The following HMCN2 variants were observed in gnomAD, a reference collection of about 807,000 sequenced individuals.
HMCN2 encodes the protein hemicentin-2.
Under a neutral mutation model 377.5 loss-of-function variants are expected in HMCN2, and 325 were observed. The ratio of observed to expected loss-of-function variants is 0.86; its 90% CI spans 0.79 to 0.94. The LOEUF is 0.94. HMCN2 is among the 40% of genes least tolerant of loss of function. HMCN2 has a pLI of 0.00. For synonymous variants in HMCN2, 2,007 were observed against 2,046.8 expected (o/e 0.98, Z 0.53); for missense variants, 4,543 against 4,725.3 (o/e 0.96, Z 1.13).
Position 130,425,757 on chromosome 9 carries a change from A to T in HMCN2, c.13712A>T (p.Gln4571Leu). 6.5e-7 allele frequency: 1 copy of T among 1,547,626 alleles called. No individual in the cohort carries two copies. Among genetic ancestry groups the T allele is most frequent in the East Asian group, 2.5e-5 (1 of 40,768 alleles). Reference sequence around the variant, plus strand: ...GTGGGCTCCACACAGCGCTTCTTCCAGGGCGGCCTCCCCTCGTTCCTACGC... The same window carrying T: ...GTGGGCTCCACACAGCGCTTCTTCCTGGGCGGCCTCCCCTCGTTCCTACGC... ...LFVGSTQRFF[Q>L]GGLPSFLRCN... The change falls in exon 90 of 98, where the codon CAG becomes CTG. Residue 4571 changes from glutamine to leucine, a missense_variant. This residue lies in a region of HMCN2 where 1,155 missense variants were observed against 1,157.7 expected (regional missense o/e 1.00). Coordinates refer to ENST00000683500, the MANE Select transcript of HMCN2 (RefSeq NM_001291815.2).
rs71387339 is a variant in HMCN2, at chr9:130,293,279, G to GTTTTTTTTTTTTTTTTTTTTTT, written c.613-1555_613-1554insTTTTTTTTTTTTTTTTTTTTTT. Among the ~76,000 whole-genome samples, 120 of 57,118 alleles carry GTTTTTTTTTTTTTTTTTTTTTT rather than the reference G, an allele frequency of 2.1e-3. 18 individuals are homozygous for GTTTTTTTTTTTTTTTTTTTTTT. Among genetic ancestry groups the GTTTTTTTTTTTTTTTTTTTTTT allele is most frequent in the African/African-American group, 5.9e-3 (52 of 8,886 alleles). The allele number at this position is 57,118 out of a possible 152,430, so 37.5% of individuals were successfully genotyped here. On this transcript the variant is annotated intron_variant, in intron 4 of 97. Transcript: ENST00000683500. ...TTCCAAATAAAATCTACTCACTAAAGTTTTTTTTTTTTTTTTTTTTTGCGG... is the reference window on the plus strand; with the variant it reads ...TTCCAAATAAAATCTACTCACTAAAGTTTTTTTTTTTTTTTTTTTTTTTTTTTTTTTTTTTTTTTTTTTGCGG...
At position 130,426,177 on chromosome 9, in the gene HMCN2, C is replaced by G. The variant is rs537681415; in HGVS notation, c.13879+253C>G. Among the ~76,000 whole-genome samples the G allele has an allele frequency of 2.0e-5, 3 of 152,226 alleles. No homozygotes were observed. The South Asian group carries it at 6.2e-4, about 32-fold the overall frequency. On this transcript the variant is annotated intron_variant, in intron 90 of 97. Coordinates refer to ENST00000683500, the MANE Select transcript of HMCN2 (RefSeq NM_001291815.2). ...CAACCTCTGGATCCTTTCCCCAGGC[C>G]CCAGGGTGAAGGTCCAACCACCCCA...
At chr9:130,278,604 C>T (rs1354358539) in intron 1 of HMCN2, among the ~76,000 whole-genome samples, 5 of 151,318 alleles carry the variant, frequency 3.3e-5, no homozygotes, top group South Asian at 2.1e-4. Context: ...TTTTTTGAGA[C>T]GGAGTTTTGC....
At chr9:130,433,006 T>C (rs1344745814) in intron 97 of HMCN2, 2 of 385,104 alleles carry the variant, frequency 5.2e-6, no homozygotes, top group Non-Finnish European at 9.3e-6. Context: ...AGTCTCCACC[T>C]CCAACCCCGC....
chr9:130,347,986 C>A lies in HMCN2; in HGVS notation c.4025-559C>A, dbSNP rs1839476648. 1.0e-6 allele frequency: 1 copy of A among 985,288 alleles called. No individual in the cohort carries two copies. Among genetic ancestry groups the A allele is most frequent in the African/African-American group, 1.7e-5 (1 of 57,228 alleles). The allele number at this position is 985,288 out of a possible 1,614,324, so 61.0% of individuals were successfully genotyped here. On this transcript the variant is annotated intron_variant, in intron 26 of 97. Coordinates refer to ENST00000683500, the MANE Select transcript of HMCN2 (RefSeq NM_001291815.2). This position sits in a 1 kb window ranked among gnomAD's most constrained non-coding sequence, Gnocchi z 5.1. ...TCCTCAGCAGGGAGAGCGCCCACCCCCACATCCAGGGTGCTATGTGCAGAG... is the reference window on the plus strand; with the variant it reads ...TCCTCAGCAGGGAGAGCGCCCACCCACACATCCAGGGTGCTATGTGCAGAG...
In HMCN2 at chr9:130,351,439, G is replaced by C; in HGVS notation, c.4447G>C (p.Gly1483Arg). ...TCTCTCCAGGCCTGTCCTTCCGGGA[G>C]GCCCTCACCTGCAGGTCCAGGAGGA... Reference protein sequence around the residue: ...TKDRQPVLPGGPHLQVQEDGQ... With the variant: ...TKDRQPVLPGRPHLQVQEDGQ... The change falls in exon 30 of 98, where the codon GGC (glycine) becomes CGC (arginine). Residue 1483 changes from glycine to arginine, a missense_variant. By Grantham distance (125) the Gly-to-Arg change is moderately radical (BLOSUM62 -2). Around this residue, in one of 5 missense-constraint regions of HMCN2, gnomAD observed 1,032 missense variants for 1,285.1 expected, o/e 0.80. Coordinates refer to ENST00000683500, the MANE Select transcript of HMCN2 (RefSeq NM_001291815.2). This position sits in a 1 kb window ranked among gnomAD's most constrained non-coding sequence, Gnocchi z 5.4. 2.3e-6 allele frequency: 3 copies of C among 1,304,134 alleles called. No individual in the cohort carries two copies. The highest frequency in any genetic ancestry group is 3.0e-6 in the Non-Finnish European group (3 of 988,880). 80.8% of individuals were successfully genotyped at this position (1,304,134 alleles called of 1,614,324 possible).
rs1489124615 is a variant in HMCN2 at position 130,347,594 on chromosome 9, G to C, written c.4024+234G>C. Among the ~76,000 whole-genome samples, 1 of 152,196 alleles carries C rather than the reference G, an allele frequency of 6.6e-6. No homozygotes were observed. The highest frequency in any genetic ancestry group is 1.5e-5 in the Non-Finnish European group (1 of 68,032). On this transcript the variant is annotated intron_variant, in intron 26 of 97. Transcript: ENST00000683500. The surrounding 1 kb of genome is among the most constrained non-coding windows in gnomAD (Gnocchi z 5.1). ...CCAGTGACAGGGAGGGCTTGAGGGG[G>C]CTGGGAGAGTGGCAGGTTGCACTGT...
In HMCN2 at chr9:130,418,924, C is replaced by T. The variant is rs1258329566; in HGVS notation, c.13114C>T (p.Leu4372=). The T allele has an allele frequency of 1.3e-6, 2 of 1,546,262 alleles. No individual in the cohort carries two copies. The highest frequency in any genetic ancestry group is 1.7e-6 in the Non-Finnish European group (2 of 1,144,822). Residue 4372 remains leucine (L), a synonymous_variant, in exon 86 of 98, where the codon CTG becomes TTG. Coordinates refer to ENST00000683500, the MANE Select transcript of HMCN2 (RefSeq NM_001291815.2). The stretch of plus-strand genomic sequence containing the variant: ...GCGGGCCAGCCGGCGGCTCCGGACC[C>T]TGCCCGATGGGAGCCTGTGGCTGGA... ...PLRASRRLRT[L]PDGSLWLENV... is the part of the protein sequence containing the mutation.
rs886437244 is a variant in HMCN2 at position 130,423,966 on chromosome 9, A to G, written c.13382-810A>G. Among the ~76,000 whole-genome samples, 1 of 151,632 alleles carries G rather than the reference A, an allele frequency of 6.6e-6. No homozygotes were observed. The highest frequency in any genetic ancestry group is 1.9e-4 in the East Asian group (1 of 5,188). On this transcript the variant is annotated intron_variant, in intron 87 of 97. Transcript: ENST00000683500. The surrounding 1 kb of genome is among the most constrained non-coding windows in gnomAD (Gnocchi z 5.5). Reference sequence around the variant, plus strand: ...ACTGAGTTAAATATCAACAAGGTACATGCATTTATTTCTTCTTTTTTTTTT... The same window carrying G: ...ACTGAGTTAAATATCAACAAGGTACGTGCATTTATTTCTTCTTTTTTTTTT...
chr9:130,370,894 G>A, intron 45 of HMCN2, 70 bp from the exon 46 acceptor site: 1 of 939,590 alleles, frequency 1.1e-6, no homozygotes, highest in African/African-American at 1.8e-5. Context: ...CAGTCAGTGG[G>A]GCTGGGGAAG....
chr9:130,282,159 A>G (rs1835156168), intron 1 of HMCN2, among the ~76,000 whole-genome samples: 2 of 152,214 alleles, frequency 1.3e-5, no homozygotes, highest in South Asian at 4.1e-4. Context: ...CTTTGACTGC[A>G]CTGTGTGAGA....
At chr9:130,362,211 G>T (rs112292190) in intron 39 of HMCN2, 46 bp downstream of exon 39, 1 of 982,188 alleles carries the variant, frequency 1.0e-6, no homozygotes, top group Non-Finnish European at 1.2e-6. Context: ...TGCACCTCCC[G>T]TAGATGCTGG....
At chr9:130,398,742 C>A in intron 75 of HMCN2, 35 bp downstream of exon 75, 6 of 1,281,646 alleles carry the variant, frequency 4.7e-6, no homozygotes, top group Non-Finnish European at 6.1e-6. Flanking sequence ...CTTCCTGAGA[C>A]GCACAGGGCG....
In HMCN2 at chr9:130,299,179, G is replaced by A. The variant is rs782604370; in HGVS notation, c.1167G>A (p.Pro389=). 5 of 470,972 alleles carry A rather than the reference G, an allele frequency of 1.1e-5. No individual in the cohort carries two copies. The highest frequency in any genetic ancestry group is 1.8e-5 in the Non-Finnish European group (4 of 227,036). 29.2% of individuals were successfully genotyped at this position (470,972 alleles called of 1,614,324 possible). A position where few individuals can be genotyped will look rare whatever the true frequency, so the allele number is the denominator to read the frequency against. ...NGSTHQLWGG[P]PFHTPKERFY... Reference sequence around the variant, plus strand: ...CCACCCATCAGCTGTGGGGCGGGCCGCCCTTCCACACCCCCAAGGAGCGCT... The same window carrying A: ...CCACCCATCAGCTGTGGGGCGGGCCACCCTTCCACACCCCCAAGGAGCGCT... The change falls in exon 8 of 98, where the codon CCG becomes CCA. Residue 389 remains proline (P), a synonymous_variant. Coordinates refer to ENST00000683500, the MANE Select transcript of HMCN2 (RefSeq NM_001291815.2).
At position 130,405,539 on chromosome 9, in the gene HMCN2, C is replaced by T. The variant is rs759752592; in HGVS notation, c.12340-416C>T. On this transcript the variant is annotated intron_variant, in intron 81 of 97. Transcript: ENST00000683500. ...CTAGAGGGGTCAGAGGCATTGGACCCGGCCACCCAGGGAGCCTGGGGGTGC... is the reference window on the plus strand; with the variant it reads ...CTAGAGGGGTCAGAGGCATTGGACCTGGCCACCCAGGGAGCCTGGGGGTGC... Among the ~76,000 whole-genome samples, 29 of 152,148 alleles carry T rather than the reference C, an allele frequency of 1.9e-4. 1 individual carries two copies. The highest frequency in any genetic ancestry group is 3.5e-4 in the Non-Finnish European group (24 of 68,022).
Position 130,353,146 on chromosome 9 carries a change from C to T in HMCN2, c.4805C>T (p.Thr1602Ile). 1.5e-6 allele frequency: 2 copies of T among 1,304,208 alleles called. No individual in the cohort carries two copies. Among genetic ancestry groups the T allele is most frequent in the Non-Finnish European group, 2.0e-6 (2 of 988,940 alleles). The allele number at this position is 1,304,208 out of a possible 1,614,324, so 80.8% of individuals were successfully genotyped here. ...CAGAGCTCCGATGCCGGCGTCTACA[C>T]CTGCAAGGCCAGCAATGCTGTGGGG... ...RAQSSDAGVY[T>I]CKASNAVGAA... is the part of the protein sequence containing the mutation. Residue 1602 changes from threonine to isoleucine, a missense_variant, in exon 31 of 98, where the codon ACC (threonine) becomes ATC (isoleucine). By Grantham distance (89) the Thr-to-Ile change is moderately conservative. Around this residue, in one of 5 missense-constraint regions of HMCN2, gnomAD observed 1,032 missense variants for 1,285.1 expected, o/e 0.80. Coordinates refer to ENST00000683500, the MANE Select transcript of HMCN2 (RefSeq NM_001291815.2).
In HMCN2 at chr9:130,398,598, C is replaced by T. The variant is rs1412547820; in HGVS notation, c.11374C>T (p.His3792Tyr). The T allele has an allele frequency of 7.8e-7, 1 of 1,280,584 alleles. No homozygotes were observed. The allele number at this position is 1,280,584 out of a possible 1,614,324, so 79.3% of individuals were successfully genotyped here. ...PSPSNLTLTA[H>Y]TPALLPCEAS... ...CCCCTCCAACCTGACCCTGACCGCCCACACCCCAGCCTTGCTGCCCTGCGA... is the reference window on the plus strand; with the variant it reads ...CCCCTCCAACCTGACCCTGACCGCCTACACCCCAGCCTTGCTGCCCTGCGA... The change falls in exon 75 of 98, where the codon CAC (histidine) becomes TAC (tyrosine). Residue 3792 changes from histidine to tyrosine, a missense_variant. Physicochemically the swap from His to Tyr is moderately conservative, Grantham distance 83. Transcript: ENST00000683500.
In HMCN2 at chr9:130,358,442, AC is replaced by A; in HGVS notation, c.5635del (p.Leu1879TrpfsTer11). The A allele has an allele frequency of 4.6e-6, 6 of 1,304,320 alleles. No individual in the cohort carries two copies. The highest frequency in any genetic ancestry group is 6.1e-6 in the Non-Finnish European group (6 of 988,952). The allele number at this position is 1,304,320 out of a possible 1,614,324, so 80.8% of individuals were successfully genotyped here. On this transcript the variant is annotated frameshift_variant, in exon 36 of 98. Transcript: ENST00000683500. LOFTEE classifies it high-confidence loss of function. ...GGCATCTACACTTGTGCTGCTACCA[AC>A]CTGGCTGGGGAGAGCAAGAGGGAAG... ...DEGIYTCAAT[N>X]LAGESKREVA...
chr9:130,406,757 G>C (rs1193178269), intron 82 of HMCN2: 1 of 157,750 alleles, frequency 6.3e-6, no homozygotes, highest in Non-Finnish European at 1.4e-5. Context: ...CCTTGGGCAG[G>C]TATAATAGTT....
Sources: allele counts gnomAD v4.1 joint callset (sites outside exome capture counted in the v4.1 genomes callset), GRCh38; gene constraint gnomAD v4.1.1; regional missense constraint gnomAD v4.1.1; non-coding constraint Gnocchi (gnomAD v3.1); transcripts MANE v1.5; gene names NCBI Gene and HGNC (gene_info 2026-07-23, HGNC 2026-07-21).